Variants in DYDC2 observed in about 807,000 individuals in gnomAD.
The protein encoded by DYDC2 is DPY30 domain-containing protein 2.
Under a neutral mutation model 18.7 loss-of-function variants are expected in DYDC2, and 19 were observed. The ratio of observed to expected loss-of-function variants is 1.02; its 90% CI spans 0.71 to 1.49. The LOEUF (loss-of-function observed/expected upper bound fraction) is 1.49. Among genes scored for constraint, DYDC2 ranks in the 40% most tolerant of loss-of-function variants. The pLI is 0.00. For synonymous variants in DYDC2, 63 were observed against 67.6 expected, an observed-to-expected ratio of 0.93 and a Z score of 0.34; for missense variants, 179 against 205.1, an observed-to-expected ratio of 0.87 and a Z score of 0.78.
At chr10:80,358,357 G>C (rs371930285) in intron 2 of DYDC2, among the ~76,000 whole-genome samples, 1 of 152,082 alleles carries the variant, frequency 6.6e-6, no homozygotes, top group Non-Finnish European at 1.5e-5. Context: ...CAGCCTGGGC[G>C]ACAGACCAAG....
At chr10:80,366,248 G>A (rs1843836031) in intron 4 of DYDC2, among the ~76,000 whole-genome samples, 2 of 151,950 alleles carry the variant, frequency 1.3e-5, no homozygotes, top group Admixed American at 6.6e-5. Flanking sequence ...GGCCAGGCTG[G>A]TCTCAAACTC....
chr10:80,360,757 TTC>T (rs991146877), intron 2 of DYDC2, among the ~76,000 whole-genome samples: 2 of 149,460 alleles, frequency 1.3e-5, no homozygotes, highest in African/African-American at 4.9e-5. Context: ...CTTCTTTTCT[TTC>T]TTTCTTTTTT....
chr10:80,347,304 T>TGCATTCCTTA (rs1842722604), intron 1 of DYDC2, among the ~76,000 whole-genome samples: 1 of 133,318 alleles, frequency 7.5e-6, no homozygotes, highest in African/African-American at 3.0e-5. Flanking sequence ...TTTTTTTTTT[T>TGCATTCCTTA]TGCTATTGAG....
chr10:80,349,843 A>C (rs140912083), intron 1 of DYDC2, among the ~76,000 whole-genome samples: 20 of 152,334 alleles, frequency 1.3e-4, no homozygotes, highest in African/African-American at 4.6e-4. Context: ...TCTTACTTCA[A>C]AACTAAGCTC....
intron 1 of DYDC2, among the ~76,000 whole-genome samples, chr10:80,347,299 T>TGAG (rs1842720300): frequency 1.4e-5 from 1 of 72,438 alleles, no homozygotes; most frequent in Non-Finnish European, 2.9e-5. Context: ...TTTTTTTTTT[T>TGAG]TTTTTTGCTA....
At position 80,363,251 on chromosome 10, in the gene DYDC2, G is replaced by A. The variant is rs114884050; in HGVS notation, c.270+178G>A. On this transcript the variant is annotated intron_variant, in intron 4 of 4. Coordinates refer to ENST00000256039, the MANE Select transcript of DYDC2 (RefSeq NM_032372.6). ...TAAACCAATGTTATTGACAATCTTT[G>A]TTAATGAAAAAAGGAGATGTTAAAA... Among the ~76,000 whole-genome samples the A allele has an allele frequency of 3.0e-3, 447 of 148,634 alleles. 3 individuals carry two copies. The highest frequency in any genetic ancestry group is 0.011 in the African/African-American group (426 of 40,462).
intron 2 of DYDC2, among the ~76,000 whole-genome samples, chr10:80,359,631 G>A (rs889017625): frequency 7.9e-5 from 12 of 152,172 alleles, no homozygotes; most frequent in African/African-American, 2.2e-4. Flanking sequence ...CATGTCCGGA[G>A]CCCCGTGGGG....
Position 80,358,015 on chromosome 10 carries a change from A to T in DYDC2, c.-40A>T. ...AGCAGACCCTCAGAGGAGCTCTGGG[A>T]AACACTGAAAAATAGCCTCTCCCCC... On this transcript the variant is annotated 5_prime_UTR_variant, in exon 2 of 5. Transcript: ENST00000256039. The T allele has an allele frequency of 1.0e-6, 1 of 985,556 alleles. No individual in the cohort carries two copies. The highest frequency in any genetic ancestry group is 1.2e-6 in the Non-Finnish European group (1 of 830,068). 61.1% of individuals were successfully genotyped at this position (985,556 alleles called of 1,614,324 possible). A position where few individuals can be genotyped will look rare whatever the true frequency, so the allele number is the denominator to read the frequency against.
chr10:80,346,444 CTTTTTTTTTTTTTTTTTTTTT>C (rs1032729095), intron 1 of DYDC2, among the ~76,000 whole-genome samples: 1 of 83,360 alleles, frequency 1.2e-5, no homozygotes, highest in African/African-American at 5.0e-5. Flanking sequence ...TCTTCCCTTT[CTTTTTTTTTTTTTTTTTTTTT>C]TTTTTTCTTT....
intron 1 of DYDC2, among the ~76,000 whole-genome samples, chr10:80,345,182 GT>G (rs1242639653): frequency 2.0e-5 from 3 of 152,176 alleles, no homozygotes; most frequent in African/African-American, 7.2e-5. Context: ...ATTCACTCTT[GT>G]AAACTGGACC....
chr10:80,357,628 C>G (rs1267533975), intron 1 of DYDC2, among the ~76,000 whole-genome samples: 1 of 152,090 alleles, frequency 6.6e-6, no homozygotes, highest in African/African-American at 2.4e-5. Flanking sequence ...CTTTCAGAAC[C>G]AATTCGGGTG....
upstream of DYDC2, chr10:80,356,731 C>A (rs1025625784): frequency 3.0e-6 from 3 of 985,314 alleles, no homozygotes; most frequent in Non-Finnish European, 3.6e-6. Context: ...CGCGCCTGCT[C>A]GCCACCCAGG....
upstream of DYDC2, chr10:80,352,065 T>A: frequency 1.3e-6 from 2 of 1,486,508 alleles, no homozygotes; most frequent in Non-Finnish European, 1.9e-6. Context: ...GTAAAAGCAA[T>A]CTTGAAAGCA....
upstream of DYDC2, among the ~76,000 whole-genome samples, chr10:80,353,039 GGGTTTGTACCCACCT>G (rs1843098463): frequency 1.3e-5 from 2 of 152,018 alleles, no homozygotes; most frequent in South Asian, 4.1e-4. Context: ...GAAGGAGACA[GGGTTTGTACCCACCT>G]CTTGATTCCA....
Position 80,367,041 on chromosome 10 carries a change from A to G in DYDC2, c.*90A>G. The G allele has an allele frequency of 6.7e-7, 1 of 1,499,998 alleles. No individual in the cohort carries two copies. The allele number at this position is 1,499,998 out of a possible 1,614,324, so 92.9% of individuals were successfully genotyped here. On this transcript the variant is annotated 3_prime_UTR_variant, in exon 5 of 5. Transcript: ENST00000256039. ...TAGAACCAAGATTTAAGGGGCTGTA[A>G]AAGGCAAGTTCAGGGACTCTCCAGC...
intron 2 of DYDC2, among the ~76,000 whole-genome samples, chr10:80,361,555 G>T (rs112427707): frequency 6.2e-4 from 94 of 152,302 alleles, no homozygotes; most frequent in African/African-American, 2.2e-3. Context: ...TACTATGGTG[G>T]TGAGGAAATG....
chr10:80,346,053 G>A (rs998485798), intron 1 of DYDC2, among the ~76,000 whole-genome samples: 1 of 152,116 alleles, frequency 6.6e-6, no homozygotes, highest in Non-Finnish European at 1.5e-5. Context: ...TCCCTATGTT[G>A]CCCAAGCTGG....
Position 80,367,192 on chromosome 10 carries a change from A to AT in DYDC2, c.*241_*242insT. ...TGTGACTTTTTCCTCTTGTTTTATCAACGTTTTGGAGACTACACAATGAAA... is the reference window on the plus strand; with the variant it reads ...TGTGACTTTTTCCTCTTGTTTTATCATACGTTTTGGAGACTACACAATGAAA... On this transcript the variant is annotated 3_prime_UTR_variant, in exon 5 of 5. Coordinates refer to ENST00000256039, the MANE Select transcript of DYDC2 (RefSeq NM_032372.6). The AT allele has an allele frequency of 1.3e-5, 6 of 457,196 alleles. No homozygotes were observed. The highest frequency in any genetic ancestry group is 4.1e-5 in the Admixed American group (1 of 24,662). 28.3% of individuals were successfully genotyped at this position (457,196 alleles called of 1,614,324 possible).
chr10:80,354,668 C>T (rs1035808933), upstream of DYDC2, among the ~76,000 whole-genome samples: 4 of 151,954 alleles, frequency 2.6e-5, no homozygotes, highest in African/African-American at 7.3e-5. Flanking sequence ...AGTGTGGAGC[C>T]GTCATGCATG....
Sources: allele counts gnomAD v4.1 joint callset (sites outside exome capture counted in the v4.1 genomes callset), GRCh38; gene constraint gnomAD v4.1.1; transcripts MANE v1.5; gene names NCBI Gene and HGNC (gene_info 2026-07-23, HGNC 2026-07-21).